Variants in ALG13 observed in about 807,000 individuals in gnomAD.
ALG13 encodes the protein UDP-N-acetylglucosamine transferase subunit ALG13.
Under a neutral mutation model 87.8 loss-of-function variants are expected in ALG13, and 11 were observed. The ratio of observed to expected loss-of-function variants is 0.13; its 90% confidence interval spans 0.08 to 0.21. ALG13 has a LOEUF of 0.21. Ranked by LOEUF, ALG13 falls within the 10% of genes least tolerant of loss-of-function variation. ALG13 has a pLI of 1.00. For missense variants in ALG13, 756 were observed against 866.1 expected, an observed-to-expected ratio of 0.87 and a Z score of 1.60; for synonymous variants, 320 against 306.3, an observed-to-expected ratio of 1.04 and a Z score of -0.47.
chrX:111,681,237 A>T lies in ALG13; in HGVS notation c.19A>T (p.Thr7Ser), dbSNP rs1222199345. 1 of 1,211,946 alleles carries T rather than the reference A, an allele frequency of 8.3e-7. No homozygotes were observed. Among genetic ancestry groups the T allele is most frequent in the Non-Finnish European group, 1.1e-6 (1 of 895,447 alleles). ...CCGCGCCATGAAGTGCGTGTTTGTT[A>T]CCGTAGGGACCACCAGCTTTGACGA... The part of the protein sequence containing the change: MKCVFV[T>S]VGTTSFDDLI... The change falls in exon 1 of 27, where the codon ACC (threonine) becomes TCC (serine). Residue 7 changes from threonine to serine, a missense_variant. Physicochemically the swap from Thr to Ser is moderately conservative, Grantham distance 58. Around this residue, in one of 9 missense-constraint regions of ALG13, gnomAD observed 153 missense variants for 168.7 expected, o/e 0.91. Coordinates refer to ENST00000394780, the MANE Select transcript of ALG13 (RefSeq NM_001099922.3).
In ALG13 at chrX:111,760,044, T is replaced by C; in HGVS notation, c.*45T>C. The C allele has an allele frequency of 8.6e-7, 1 of 1,161,156 alleles. No homozygotes were observed. The highest frequency in any genetic ancestry group is 2.0e-5 in the South Asian group (1 of 49,205). On this transcript the variant is annotated 3_prime_UTR_variant, in exon 27 of 27. Coordinates refer to ENST00000394780, the MANE Select transcript of ALG13 (RefSeq NM_001099922.3). ...TTCTTGCACTGCCATTTTCTTGCTGTTTTTGTTTTTAAAAAGTATTTTATG... is the reference window on the plus strand; with the variant it reads ...TTCTTGCACTGCCATTTTCTTGCTGCTTTTGTTTTTAAAAAGTATTTTATG...
Position 111,685,069 on chromosome X carries a change from C to T in ALG13, c.349C>T (p.His117Tyr). The T allele has an allele frequency of 2.5e-6, 3 of 1,210,831 alleles. No individual in the cohort carries two copies. In the African/African-American group the frequency reaches 5.2e-5, roughly 21 times the overall value. ...NHQLELAKQL[H>Y]KEGHLFYCTC... ...TCAGCTGGAACTGGCAAAGCAGCTA[C>T]ACAAAGAGGGTCATCTCTTCTATTG... The change falls in exon 3 of 27, where the codon CAC becomes TAC. Residue 117 changes from histidine (H) to tyrosine (Y), a missense_variant. By Grantham distance (83) the His-to-Tyr change is moderately conservative. Transcript: ENST00000394780.
intron 8 of ALG13, among the ~76,000 whole-genome samples, chrX:111,713,540 A>G (rs777469620): frequency 2.7e-5 from 3 of 111,724 alleles, no homozygotes; most frequent in South Asian, 3.8e-4. Flanking sequence ...TGGCTTCTCA[A>G]TGACTAAAAA....
intron 5 of ALG13, among the ~76,000 whole-genome samples, chrX:111,709,774 C>T (rs1312934685): frequency 9.2e-6 from 1 of 109,194 alleles, no homozygotes; most frequent in Non-Finnish European, 1.9e-5. Context: ...TCGAGTTTTA[C>T]TCCTAATTTT....
In ALG13 at chrX:111,718,095, G is replaced by T; in HGVS notation, c.1088-17G>T. On this transcript the variant is annotated splice_polypyrimidine_tract_variant and intron_variant, in intron 9 of 26. Transcript: ENST00000394780. Reference sequence around the variant, plus strand: ...ATCTTATTTTGACAATTGGAATTTTGACCATTTTTTCTTCAGCTGTATTGT... The same window carrying T: ...ATCTTATTTTGACAATTGGAATTTTTACCATTTTTTCTTCAGCTGTATTGT... The T allele has an allele frequency of 8.7e-7, 1 of 1,150,563 alleles. No homozygotes were observed. The highest frequency in any genetic ancestry group is 2.0e-5 in the South Asian group (1 of 50,503). 94.8% of individuals were successfully genotyped at this position (1,150,563 alleles called of 1,213,427 possible). A position where few individuals can be genotyped will look rare whatever the true frequency, so the allele number is the denominator to read the frequency against.
At chrX:111,685,184 T>TGTC (rs1934624005) in intron 3 of ALG13, 81 bp downstream of exon 3, 4 of 1,004,800 alleles carry the variant, frequency 4.0e-6, no homozygotes, top group Admixed American at 3.0e-5. Flanking sequence ...CTAACCCATC[T>TGTC]GTCTCTTCTG....
chrX:111,758,681 G>T (rs963727834), intron 26 of ALG13, among the ~76,000 whole-genome samples: 2 of 112,328 alleles, frequency 1.8e-5, no homozygotes, highest in Admixed American at 1.9e-4. Flanking sequence ...AGATAAAACA[G>T]TGGATTTTAA....
rs192630611 is a variant in ALG13 at position 111,688,862 on chromosome X, A to T, written c.383+3759A>T. 4,533 of 750,985 alleles carry T rather than the reference A, an allele frequency of 6.0e-3. 14 individuals carry two copies. Among genetic ancestry groups the T allele is most frequent in the Non-Finnish European group, 6.6e-3 (4,198 of 637,538 alleles). 61.9% of individuals were successfully genotyped at this position (750,985 alleles called of 1,213,427 possible). On this transcript the variant is annotated intron_variant, in intron 3 of 26. Coordinates refer to ENST00000394780, the MANE Select transcript of ALG13 (RefSeq NM_001099922.3). ...ACATTATGAAGTTCTTTCTGATTAG[A>T]GTGTGTGGTCTCAAGACCTTTACAG...
intron 3 of ALG13, among the ~76,000 whole-genome samples, chrX:111,700,523 G>A (rs1937631449): frequency 9.2e-6 from 1 of 108,878 alleles, no homozygotes; most frequent in African/African-American, 3.3e-5. Flanking sequence ...GGTGTTTATT[G>A]TACTGATATA....
At chrX:111,681,637 G>A in intron 1 of ALG13, 1 of 919,663 alleles carries the variant, frequency 1.1e-6, no homozygotes, top group Non-Finnish European at 1.3e-6. Context: ...TCCGAGCTCG[G>A]GTTTTCCACC....
At chrX:111,721,115 A>C (rs1941369536) in intron 11 of ALG13, among the ~76,000 whole-genome samples, 1 of 79,294 alleles carries the variant, frequency 1.3e-5, no homozygotes, top group African/African-American at 4.5e-5. Flanking sequence ...GAAGGAAGAA[A>C]CTTAATTCTT....
intron 3 of ALG13, chrX:111,687,897 G>C (rs1285323021): frequency 8.6e-7 from 1 of 1,157,216 alleles, no homozygotes; most frequent in African/African-American, 1.8e-5. Context: ...CACGCTTCCT[G>C]GGCTGTTACA....
chrX:111,758,475 C>T lies in ALG13; in HGVS notation c.3148+713C>T, dbSNP rs146530187. Among the ~76,000 whole-genome samples, 1,073 of 112,319 alleles carry T rather than the reference C, an allele frequency of 9.6e-3. 7 individuals are homozygous for T. Among genetic ancestry groups the T allele is most frequent in the Middle Eastern group, 0.023 (5 of 216 alleles). ...AATTTTGGAAAACATGTATCTTCCA[C>T]CATGAGCTTGACACCTTCCCACCAA... On this transcript the variant is annotated intron_variant, in intron 26 of 26. Transcript: ENST00000394780.
At chrX:111,716,040 C>T (rs371317420) in intron 8 of ALG13, among the ~76,000 whole-genome samples, 1 of 111,839 alleles carries the variant, frequency 8.9e-6, no homozygotes, top group South Asian at 3.7e-4. Flanking sequence ...ATTTTATGCC[C>T]TTCAAAGTAA....
Position 111,708,187 on chromosome X carries a change from T to A in ALG13, c.544T>A (p.Cys182Ser), listed in dbSNP as rs778876158. Residue 182 changes from cysteine to serine, a missense_variant, in exon 4 of 27, where the codon TGC becomes AGC. By Grantham distance (112) the Cys-to-Ser change is moderately radical. Transcript: ENST00000394780. ...QALVTATHPTCTLLFPSCHAF... is the reference protein window; with the variant it reads ...QALVTATHPTSTLLFPSCHAF... ...CCTTGTTACTGCTACCCATCCTACC[T>A]GCACCCTGCTTTTTCCCTCTTGCCA... 1.3e-5 allele frequency: 16 copies of A among 1,211,739 alleles called. No homozygotes were observed. The Admixed American group carries it at 3.5e-4, about 26-fold the overall frequency.
chrX:111,719,936 T>C (rs1044680261), intron 10 of ALG13, among the ~76,000 whole-genome samples, 159 bp from the exon 11 acceptor site: 3 of 112,642 alleles, frequency 2.7e-5, no homozygotes, highest in Middle Eastern at 4.7e-3. Flanking sequence ...CACATACTTA[T>C]AAAAACGAAG....
chrX:111,744,980 A>T lies in ALG13; in HGVS notation c.2932+76A>T, dbSNP rs912977674. On this transcript the variant is annotated intron_variant, in intron 24 of 26. Coordinates refer to ENST00000394780, the MANE Select transcript of ALG13 (RefSeq NM_001099922.3). Reference sequence around the variant, plus strand: ...GTTAGAGCATATCTCTCTTTGGTTGACCTATTGGGGAATGGGGAACCAAAT... The same window carrying T: ...GTTAGAGCATATCTCTCTTTGGTTGTCCTATTGGGGAATGGGGAACCAAAT... 3 of 882,270 alleles carry T rather than the reference A, an allele frequency of 3.4e-6. No homozygotes were observed. In the Admixed American group the frequency reaches 7.5e-5, roughly 22 times the overall value. 72.7% of individuals were successfully genotyped at this position (882,270 alleles called of 1,213,427 possible). A position where few individuals can be genotyped will look rare whatever the true frequency, so the allele number is the denominator to read the frequency against.
chrX:111,709,685 C>CTTT (rs900487376), intron 5 of ALG13, among the ~76,000 whole-genome samples: 1 of 97,025 alleles, frequency 1.0e-5, no homozygotes, highest in African/African-American at 3.7e-5. Context: ...GCTTCCTTTT[C>CTTT]TTTTTTTTTT....
chrX:111,759,765 C>T lies in ALG13; in HGVS notation c.3180C>T (p.Val1060=), dbSNP rs780502052. Residue 1060 remains valine (V), a synonymous_variant, in exon 27 of 27, where the codon GTC becomes GTT. Transcript: ENST00000394780. The stretch of plus-strand genomic sequence containing the variant: ...TTCCGAATGCTGATTCTTCATCTGT[C>T]CCTCATGGAGCAGTCTATTATCCAG... ...DTFPNADSSS[V]PHGAVYYPVM... 2 of 1,207,900 alleles carry T rather than the reference C, an allele frequency of 1.7e-6. No homozygotes were observed. The highest frequency in any genetic ancestry group is 2.2e-6 in the Non-Finnish European group (2 of 893,166).
Sources: gnomAD v4.1 joint callset for allele counts (sites outside exome capture counted in the v4.1 genomes callset) on GRCh38, gnomAD v4.1.1 for gene constraint, gnomAD v4.1.1 regional missense constraint, MANE v1.5 for transcripts, NCBI Gene and HGNC (gene_info 2026-07-23, HGNC 2026-07-21) for gene names.